Variants in TDRD3 observed in about 807,000 individuals in gnomAD.
TDRD3 encodes tudor domain containing 3.
In TDRD3, 45 loss-of-function variants were observed where a neutral mutation model predicts 86.7. That is an observed-to-expected ratio of 0.52 (90% CI 0.41 to 0.67). TDRD3 has a LOEUF of 0.67. TDRD3 is among the 30% of genes least tolerant of loss of function. The probability of loss-of-function intolerance (pLI) is 0.00; values close to 1 mark genes in which losing one functional copy is unlikely to be tolerated. For missense variants in TDRD3, 814 were observed against 889.0 expected (o/e 0.92, Z 1.07); for synonymous variants, 298 against 301.7 (o/e 0.99, Z 0.13).
chr13:60,432,237 C>G (rs942767840), intron 1 of TDRD3, among the ~76,000 whole-genome samples: 2 of 152,056 alleles, frequency 1.3e-5, no homozygotes, highest in African/African-American at 4.8e-5. Context: ...TGGATTCATT[C>G]AACTAACTGC....
At chr13:60,435,212 C>T (rs749734872) in intron 1 of TDRD3, among the ~76,000 whole-genome samples, 37 of 152,084 alleles carry the variant, frequency 2.4e-4, no homozygotes, top group Non-Finnish European at 1.2e-4. Flanking sequence ...TGGAGTAAAC[C>T]TATAAGGCTT....
intron 7 of TDRD3, among the ~76,000 whole-genome samples, chr13:60,492,015 A>T (rs1483796784): frequency 2.0e-5 from 3 of 152,120 alleles, no homozygotes; most frequent in African/African-American, 7.2e-5. Context: ...GAGCAAAAAG[A>T]TGTGGCTCAT....
chr13:60,492,967 G>A (rs571111898), intron 7 of TDRD3, among the ~76,000 whole-genome samples: 3 of 119,106 alleles, frequency 2.5e-5, no homozygotes, highest in East Asian at 5.7e-4. Context: ...CTCCCAGGTT[G>A]GAGTGCAGTG....
At position 60,397,289 on chromosome 13, in the gene TDRD3, G is replaced by GA; in HGVS notation, c.-76_-75insA. The GA allele has an allele frequency of 1.3e-6, 1 of 770,890 alleles. No individual in the cohort carries two copies. The highest frequency in any genetic ancestry group is 1.9e-6 in the Non-Finnish European group (1 of 523,804). 47.8% of individuals were successfully genotyped at this position (770,890 alleles called of 1,614,324 possible). Reference sequence around the variant, plus strand: ...TTTCTTTTCTTTTTTTTTTTTTAAGGGGGGGGGTCTCAAGTAGGAGGCCTC... The same window carrying GA: ...TTTCTTTTCTTTTTTTTTTTTTAAGGAGGGGGGGTCTCAAGTAGGAGGCCTC... On this transcript the variant is annotated 5_prime_UTR_variant, in exon 1 of 14. It introduces an in-frame stop codon into an upstream open reading frame of the 5' UTR. Transcript: ENST00000377881.
At chr13:60,457,876 T>C (rs1955716351) in intron 3 of TDRD3, among the ~76,000 whole-genome samples, 1 of 152,220 alleles carries the variant, frequency 6.6e-6, no homozygotes, top group Non-Finnish European at 1.5e-5. Context: ...TGTCTGTGTT[T>C]GTTTCCCCTT....
intron 3 of TDRD3, among the ~76,000 whole-genome samples, chr13:60,453,363 G>A (rs1408116309): frequency 3.9e-5 from 6 of 152,172 alleles, no homozygotes; most frequent in Non-Finnish European, 7.4e-5. Context: ...AGCCAATTCA[G>A]TTCTACTTAG....
intron 11 of TDRD3, among the ~76,000 whole-genome samples, chr13:60,533,202 C>T (rs770925976): frequency 2.6e-5 from 4 of 152,126 alleles, no homozygotes; most frequent in African/African-American, 4.8e-5. Flanking sequence ...AAGGAAACAC[C>T]GTGGATTCAC....
chr13:60,443,789 TTACTA>T (rs1566195349), intron 2 of TDRD3, among the ~76,000 whole-genome samples: 1 of 151,920 alleles, frequency 6.6e-6, no homozygotes, highest in African/African-American at 2.4e-5. Flanking sequence ...GAGCTACTGT[TTACTA>T]TATTATAAGG....
intron 12 of TDRD3, among the ~76,000 whole-genome samples, chr13:60,559,058 G>C (rs931369707): frequency 6.7e-6 from 1 of 149,188 alleles, no homozygotes; most frequent in African/African-American, 2.5e-5. Flanking sequence ...AGTCTATTTA[G>C]TTTAATTGAA....
chr13:60,518,256 C>T (rs991299372), intron 10 of TDRD3, among the ~76,000 whole-genome samples: 1 of 152,154 alleles, frequency 6.6e-6, no homozygotes, highest in South Asian at 2.1e-4. Flanking sequence ...GGCCCTGGAC[C>T]TGTGTGTGGT....
chr13:60,525,086 CAAAAAAAAAAAA>C (rs372010456), intron 10 of TDRD3, among the ~76,000 whole-genome samples: 2 of 39,742 alleles, frequency 5.0e-5, no homozygotes, highest in East Asian at 1.0e-3. Context: ...AATTTTCTCT[CAAAAAAAAAAAA>C]AAAAAAAAAA....
chr13:60,529,262 A>G, intron 11 of TDRD3, 45 bp downstream of exon 11: 3 of 1,514,402 alleles, frequency 2.0e-6, no homozygotes, highest in Non-Finnish European at 2.6e-6. Context: ...TACGAAATGT[A>G]ACATTCTAGT....
intron 12 of TDRD3, among the ~76,000 whole-genome samples, chr13:60,556,567 CA>C (rs1048013635): frequency 6.6e-6 from 1 of 152,076 alleles, no homozygotes. Context: ...ATGGCAAGCA[CA>C]ATATGAGTGA....
chr13:60,464,446 T>G (rs1002272213), intron 4 of TDRD3, among the ~76,000 whole-genome samples: 1 of 152,162 alleles, frequency 6.6e-6, no homozygotes, highest in Non-Finnish European at 1.5e-5. Flanking sequence ...AGGAAGCATC[T>G]GCACTCCCAT....
At chr13:60,548,354 T>C (rs1484552187) in intron 12 of TDRD3, among the ~76,000 whole-genome samples, 1 of 152,148 alleles carries the variant, frequency 6.6e-6, no homozygotes, top group Admixed American at 6.5e-5. Context: ...TGGGTTCTGA[T>C]CAAGGGATTT....
At chr13:60,430,353 T>C (rs1209372166) in intron 1 of TDRD3, among the ~76,000 whole-genome samples, 1 of 152,148 alleles carries the variant, frequency 6.6e-6, no homozygotes, top group Non-Finnish European at 1.5e-5. Context: ...GTAGTCAGTG[T>C]AGTGTTTAGG....
intron 1 of TDRD3, among the ~76,000 whole-genome samples, chr13:60,397,747 C>T (rs1473075418): frequency 6.6e-6 from 1 of 151,478 alleles, no homozygotes; most frequent in Non-Finnish European, 1.5e-5. Context: ...GGACCTGCAG[C>T]GCCGTCCGCG....
intron 8 of TDRD3, among the ~76,000 whole-genome samples, chr13:60,505,746 A>C (rs1956923363): frequency 6.6e-6 from 1 of 152,244 alleles, no homozygotes; most frequent in Non-Finnish European, 1.5e-5. Flanking sequence ...CACAAGTATC[A>C]ATAGCCGAAT....
intron 1 of TDRD3, among the ~76,000 whole-genome samples, chr13:60,408,548 G>A (rs1036891795): frequency 6.6e-6 from 1 of 152,158 alleles, no homozygotes; most frequent in African/African-American, 2.4e-5. Context: ...TGGAGATGAG[G>A]AACTTGTTGG....
Sources: allele counts gnomAD v4.1 joint callset (sites outside exome capture counted in the v4.1 genomes callset), GRCh38; gene constraint gnomAD v4.1.1; transcripts MANE v1.5; gene names NCBI Gene and HGNC (gene_info 2026-07-23, HGNC 2026-07-21).